CA10: variants seen among roughly 807,000 people sequenced by gnomAD.
CA10 encodes carbonic anhydrase-related protein 10.
In CA10, 14 loss-of-function variants were observed where a neutral mutation model predicts 44.2. The observed-to-expected ratio is 0.32, with a 90% confidence interval of 0.21 to 0.50. The LOEUF is 0.50. Ranked by LOEUF, CA10 falls within the 20% of genes least tolerant of loss-of-function variation. The pLI is 0.99. For synonymous variants in CA10, 159 were observed against 141.6 expected, an observed-to-expected ratio of 1.12 and a Z score of -0.87; for missense variants, 350 against 409.7, an observed-to-expected ratio of 0.85 and a Z score of 1.26.
At chr17:51,705,487 C>A (rs1321087652) in intron 4 of CA10, among the ~76,000 whole-genome samples, 1 of 152,158 alleles carries the variant, frequency 6.6e-6, no homozygotes, top group African/African-American at 2.4e-5. Context: ...CAGTGCTTGG[C>A]ACATACAGGG....
chr17:52,094,762 T>C (rs1044685543), intron 1 of CA10, among the ~76,000 whole-genome samples: 13 of 152,096 alleles, frequency 8.5e-5, no homozygotes, highest in Non-Finnish European at 4.4e-5. Flanking sequence ...CCCAATGAAA[T>C]GCCACTACCA....
chr17:51,705,569 C>T (rs371742528), intron 4 of CA10, among the ~76,000 whole-genome samples: 12 of 152,094 alleles, frequency 7.9e-5, no homozygotes, highest in African/African-American at 2.4e-4. Context: ...ATATAAATTC[C>T]TCATACCCGG....
intron 2 of CA10, among the ~76,000 whole-genome samples, chr17:52,022,921 AAGG>A (rs1437242543): frequency 6.6e-6 from 1 of 152,114 alleles, no homozygotes; most frequent in Non-Finnish European, 1.5e-5. Context: ...AATTTTCTGC[AAGG>A]AGAACTACCA....
chr17:51,951,894 A>G (rs542976990), intron 2 of CA10, among the ~76,000 whole-genome samples: 2 of 152,290 alleles, frequency 1.3e-5, no homozygotes, highest in Admixed American at 6.5e-5. Context: ...TGTACACACA[A>G]TAACTTCTAT....
intron 3 of CA10, among the ~76,000 whole-genome samples, chr17:51,783,676 G>A (rs969352549): frequency 6.6e-6 from 1 of 152,224 alleles, no homozygotes; most frequent in African/African-American, 2.4e-5. Context: ...AGTGAGGTGA[G>A]GTGAAGGTCT....
chr17:51,859,366 C>A (rs892180593), intron 3 of CA10, among the ~76,000 whole-genome samples: 8 of 152,160 alleles, frequency 5.3e-5, no homozygotes, highest in African/African-American at 1.9e-4. Flanking sequence ...AGCAGGTAAA[C>A]AATTGTCAGC....
chr17:52,020,605 C>T (rs1013474547), intron 2 of CA10, among the ~76,000 whole-genome samples: 2 of 151,952 alleles, frequency 1.3e-5, no homozygotes, highest in Non-Finnish European at 2.9e-5. Context: ...CTGTAATTTG[C>T]TTTAATTCTT....
intron 3 of CA10, among the ~76,000 whole-genome samples, chr17:51,923,944 A>G (rs1386845362): frequency 1.3e-5 from 2 of 152,286 alleles, no homozygotes; most frequent in Middle Eastern, 3.4e-3. Flanking sequence ...CAAGGATATA[A>G]AATGAAAATA....
chr17:51,957,194 G>T (rs169385), intron 2 of CA10, among the ~76,000 whole-genome samples: 148,281 of 152,314 alleles, frequency 0.97, 72,277 homozygotes, highest in South Asian at 1. Flanking sequence ...GATTTATTTC[G>T]TAACGATTTT....
chr17:51,849,873 A>AC lies in CA10; in HGVS notation c.279+81116dup, dbSNP rs551485812. ...GACCACTCTCTTTCTTTGCATGAAT[A>AC]CCCCATAAGCAAGTTGAATATGGGA... On this transcript the variant is annotated intron_variant, in intron 3 of 8. Coordinates refer to ENST00000451037, the MANE Select transcript of CA10 (RefSeq NM_020178.5). Among the ~76,000 whole-genome samples, 269 of 152,232 alleles carry AC rather than the reference A, an allele frequency of 1.8e-3. 1 individual carries two copies. Among genetic ancestry groups the AC allele is most frequent in the African/African-American group, 6.3e-3 (260 of 41,546 alleles).
chr17:52,100,122 A>T (rs1354276), intron 1 of CA10, among the ~76,000 whole-genome samples: 74,762 of 152,026 alleles, frequency 0.49, 20,553 homozygotes, highest in Non-Finnish European at 0.62. Flanking sequence ...TAATAGGAGA[A>T]CCAAGAGCGT....
chr17:51,922,363 C>A (rs1422125645), intron 3 of CA10, among the ~76,000 whole-genome samples: 1 of 152,192 alleles, frequency 6.6e-6, no homozygotes, highest in Admixed American at 6.5e-5. Context: ...GTTCTCACAT[C>A]TGGTCATCCA....
At chr17:51,791,625 G>T (rs1906521572) in intron 3 of CA10, among the ~76,000 whole-genome samples, 1 of 152,124 alleles carries the variant, frequency 6.6e-6, no homozygotes, top group African/African-American at 2.4e-5. Flanking sequence ...CTCATCTGTG[G>T]TCCATAAGGA....
intron 3 of CA10, 107 bp from the exon 4 acceptor site, chr17:51,747,925 G>T: frequency 1.2e-6 from 1 of 801,774 alleles, no homozygotes; most frequent in Non-Finnish European, 2.0e-6. Flanking sequence ...TTGATGGGAA[G>T]ATGGGCTAAA....
intron 1 of CA10, among the ~76,000 whole-genome samples, chr17:52,145,025 GT>G (rs1989554559): frequency 6.6e-6 from 1 of 152,138 alleles, no homozygotes; most frequent in Admixed American, 6.5e-5. Context: ...AAGGTATAAC[GT>G]ATAATGTTTT....
intron 2 of CA10, among the ~76,000 whole-genome samples, chr17:51,964,371 AAG>A (rs1984002228): frequency 6.6e-6 from 1 of 151,866 alleles, no homozygotes; most frequent in South Asian, 2.1e-4. Flanking sequence ...AGAAAACTAA[AAG>A]AAATTCTGAA....
intron 3 of CA10, among the ~76,000 whole-genome samples, chr17:51,804,220 C>G (rs1003659510): frequency 6.6e-6 from 1 of 152,132 alleles, no homozygotes; most frequent in African/African-American, 2.4e-5. Context: ...ATACAAATTT[C>G]TATAAATTAA....
intron 1 of CA10, among the ~76,000 whole-genome samples, chr17:52,117,956 T>A (rs1455555035): frequency 6.6e-6 from 1 of 152,230 alleles, no homozygotes; most frequent in Non-Finnish European, 1.5e-5. Context: ...AGGGGTATTA[T>A]ATGGTTTTAA....
intron 3 of CA10, among the ~76,000 whole-genome samples, chr17:51,829,220 GC>G (rs1908139785): frequency 6.6e-6 from 1 of 152,228 alleles, no homozygotes; most frequent in Non-Finnish European, 1.5e-5. Context: ...CTCAAAGACT[GC>G]CCCCATGGAT....
Sources: gnomAD v4.1 joint callset for allele counts (sites outside exome capture counted in the v4.1 genomes callset) on GRCh38, gnomAD v4.1.1 for gene constraint, MANE v1.5 for transcripts, NCBI Gene and HGNC (gene_info 2026-07-23, HGNC 2026-07-21) for gene names.